VPS13B: variants seen among roughly 807,000 people sequenced by gnomAD.
VPS13B encodes vacuolar protein sorting 13 homolog B.
A neutral mutation model predicts 426.4 loss-of-function variants in VPS13B; 285 were observed. That is an observed-to-expected ratio of 0.67 (90% confidence interval 0.61 to 0.74). VPS13B has a LOEUF of 0.74. Among genes scored for constraint, VPS13B ranks in the 30% least tolerant of loss-of-function variants. The pLI, the probability that VPS13B is intolerant of heterozygous loss-of-function variation, is 0.00. For synonymous variants in VPS13B, 1,676 were observed against 1,676.4 expected, an observed-to-expected ratio of 1.00 and a Z score of 0.01; for missense variants, 4,537 against 4,782.6, an observed-to-expected ratio of 0.95 and a Z score of 1.51.
chr8:99,096,459 C>G (rs544866134), intron 4 of VPS13B, 27 bp downstream of exon 4: 20 of 1,613,090 alleles, frequency 1.2e-5, no homozygotes, highest in Non-Finnish European at 1.6e-5. Context: ...TCAATAAAAC[C>G]AAATTTCAAT....
At chr8:99,197,795 C>T (rs1814028397) in intron 17 of VPS13B, among the ~76,000 whole-genome samples, 1 of 152,096 alleles carries the variant, frequency 6.6e-6, no homozygotes, top group Non-Finnish European at 1.5e-5. Context: ...TCATTTGTCT[C>T]AAGATACATT....
intron 21 of VPS13B, among the ~76,000 whole-genome samples, chr8:99,395,923 C>T (rs1291170742): frequency 1.3e-5 from 2 of 151,940 alleles, no homozygotes; most frequent in East Asian, 3.8e-4. Context: ...AAACTCAATT[C>T]TACAGATGAA....
rs1846829676 is a variant in VPS13B, at chr8:99,102,812, C to T, written c.413-141C>T. 6 of 833,296 alleles carry T rather than the reference C, an allele frequency of 7.2e-6. No individual in the cohort carries two copies. In the Admixed American group the frequency reaches 1.2e-4, roughly 17 times the overall value. The allele number at this position is 833,296 out of a possible 1,614,324, so 51.6% of individuals were successfully genotyped here. Reference sequence around the variant, plus strand: ...GTGTCACTTTGGCAAGCCTTTTAACCTATCTGAACTTCAGTTTCTCTTTGG... The same window carrying T: ...GTGTCACTTTGGCAAGCCTTTTAACTTATCTGAACTTCAGTTTCTCTTTGG... On this transcript the variant is annotated intron_variant, in intron 4 of 61. Coordinates refer to ENST00000357162, the MANE Select transcript of VPS13B (RefSeq NM_152564.5).
rs957423651 is a variant in VPS13B at position 99,699,019 on chromosome 8, GA to G, written c.6047-503del. On this transcript the variant is annotated intron_variant, in intron 35 of 61. Coordinates refer to ENST00000357162, the MANE Select transcript of VPS13B (RefSeq NM_152564.5). ...CTGGTTTGCAACAGGTCATAAGGGG[GA>G]AACAGACATTTTCTGCATGAACAAT... 5.3e-5 allele frequency among the ~76,000 whole-genome samples: 8 copies of G among 150,544 alleles called. 1 individual carries two copies. The highest frequency in any genetic ancestry group is 2.0e-4 in the East Asian group (1 of 5,066).
chr8:99,671,097 C>T (rs1267777784), intron 35 of VPS13B, among the ~76,000 whole-genome samples: 1 of 152,122 alleles, frequency 6.6e-6, no homozygotes, highest in East Asian at 1.9e-4. Flanking sequence ...TCTATATTCC[C>T]ACCAACAATG....
At chr8:99,195,754 G>A (rs147142456) in intron 17 of VPS13B, among the ~76,000 whole-genome samples, 201 of 152,244 alleles carry the variant, frequency 1.3e-3, no homozygotes, top group African/African-American at 4.6e-3. Context: ...GTTAGATAAA[G>A]ATTCAATCTC....
chr8:99,528,859 TTAAG>T (rs1229611901), intron 30 of VPS13B, among the ~76,000 whole-genome samples: 2 of 152,092 alleles, frequency 1.3e-5, no homozygotes, highest in African/African-American at 4.8e-5. Flanking sequence ...ATGAGTATAT[TTAAG>T]TAAATACATT....
In VPS13B at chr8:99,870,029, G is replaced by C. The variant is rs139935081; in HGVS notation, c.11393-756G>C. On this transcript the variant is annotated intron_variant, in intron 59 of 61. Transcript: ENST00000357162. ...CGTGCTCATAAATGTATATGGATTC[G>C]TGTTTAACAGCCGGATTAAGTCGCT... Among the ~76,000 whole-genome samples the C allele has an allele frequency of 3.3e-5, 5 of 152,362 alleles. No individual in the cohort carries two copies. The East Asian group carries it at 9.6e-4, about 29-fold the overall frequency.
chr8:99,233,298 G>C (rs2132862771), intron 17 of VPS13B: 4 of 1,124,352 alleles, frequency 3.6e-6, no homozygotes, highest in Non-Finnish European at 4.1e-6. Flanking sequence ...CTGTGGAAGA[G>C]AGCACTCTGA....
intron 39 of VPS13B, among the ~76,000 whole-genome samples, chr8:99,763,544 T>A (rs529743525): frequency 2.6e-5 from 4 of 152,050 alleles, no homozygotes; most frequent in African/African-American, 9.7e-5. Context: ...TTTAAAAAAA[T>A]TATTTGTGTT....
intron 2 of VPS13B, among the ~76,000 whole-genome samples, chr8:99,037,267 T>A (rs935436397): frequency 2.0e-5 from 3 of 150,808 alleles, no homozygotes; most frequent in Admixed American, 2.0e-4. Flanking sequence ...AGCTGACCTT[T>A]AAAAAAAAAC....
intron 17 of VPS13B, among the ~76,000 whole-genome samples, chr8:99,206,728 C>T (rs928141220): frequency 1.3e-5 from 2 of 152,100 alleles, no homozygotes; most frequent in African/African-American, 4.8e-5. Context: ...GTATTCTTCC[C>T]AGGTGTGCAT....
At chr8:99,358,825 C>A (rs1812335829) in intron 19 of VPS13B, among the ~76,000 whole-genome samples, 1 of 152,094 alleles carries the variant, frequency 6.6e-6, no homozygotes, top group Non-Finnish European at 1.5e-5. Context: ...GTAGGGAAGA[C>A]CTCATTTTAA....
intron 32 of VPS13B, among the ~76,000 whole-genome samples, chr8:99,576,744 T>A (rs1166747719): frequency 6.6e-6 from 1 of 152,166 alleles, no homozygotes; most frequent in Non-Finnish European, 1.5e-5. Flanking sequence ...TTTTGTTCTG[T>A]TTTCCTTGTC....
chr8:99,549,761 T>C (rs1008599690), intron 30 of VPS13B, among the ~76,000 whole-genome samples: 4 of 152,126 alleles, frequency 2.6e-5, no homozygotes, highest in Non-Finnish European at 5.9e-5. Context: ...CCCCTGCCTC[T>C]CTCCAGGCCC....
chr8:99,637,902 C>T (rs902461957), intron 33 of VPS13B, among the ~76,000 whole-genome samples: 1 of 151,956 alleles, frequency 6.6e-6, no homozygotes, highest in African/African-American at 2.4e-5. Context: ...TTGGAGTTTG[C>T]CATGGAACTC....
intron 14 of VPS13B, among the ~76,000 whole-genome samples, chr8:99,153,343 C>A (rs968930531): frequency 6.6e-6 from 1 of 152,098 alleles, no homozygotes; most frequent in Non-Finnish European, 1.5e-5. Context: ...ATACTTCTTG[C>A]TATTTTCTAT....
chr8:99,154,844 G>A (rs1811273246), intron 14 of VPS13B, among the ~76,000 whole-genome samples: 1 of 151,982 alleles, frequency 6.6e-6, no homozygotes, highest in African/African-American at 2.4e-5. Context: ...GGGGAAGATA[G>A]CATTATCAAA....
intron 16 of VPS13B, 99 bp from the exon 17 acceptor site, chr8:99,192,777 A>T (rs773112505): frequency 5.8e-5 from 73 of 1,267,358 alleles, no homozygotes; most frequent in Non-Finnish European, 7.4e-5. Flanking sequence ...CATACTTTGG[A>T]TGTATACCCT....
Sources: gnomAD v4.1 joint callset for allele counts (sites outside exome capture counted in the v4.1 genomes callset) on GRCh38, gnomAD v4.1.1 for gene constraint, MANE v1.5 for transcripts, NCBI Gene and HGNC (gene_info 2026-07-23, HGNC 2026-07-21) for gene names.